The following CSMD1 variants were observed in gnomAD, a reference collection of about 807,000 sequenced individuals.
CSMD1 encodes CUB and Sushi multiple domains 1.
CSMD1 carries 213 observed loss-of-function variants against 417.5 expected under a neutral mutation model. That is an observed-to-expected ratio of 0.51 (90% CI 0.46 to 0.57). The LOEUF (loss-of-function observed/expected upper bound fraction) is 0.57. CSMD1 is among the 20% of genes least tolerant of loss of function. CSMD1 has a pLI of 0.00. For missense variants in CSMD1, 6,923 were observed against 4,529.7 expected (o/e 1.53, Z -15.17); for synonymous variants, 2,862 against 1,736.8 (o/e 1.65, Z -16.11).
At chr8:3,650,760 A>T (rs2117379752) in intron 7 of CSMD1, among the ~76,000 whole-genome samples, 2 of 152,296 alleles carry the variant, frequency 1.3e-5, no homozygotes, top group African/African-American at 4.8e-5. Flanking sequence ...CTAATGCAAA[A>T]ATGTGATTTT....
intron 21 of CSMD1, among the ~76,000 whole-genome samples, chr8:3,358,185 C>A (rs752896635): frequency 6.6e-6 from 1 of 152,174 alleles, no homozygotes; most frequent in Admixed American, 6.5e-5. Context: ...GCCTCCAGTT[C>A]GTTAACTGGT....
chr8:4,059,610 T>C (rs1168356245), intron 3 of CSMD1, among the ~76,000 whole-genome samples: 2 of 151,788 alleles, frequency 1.3e-5, no homozygotes, highest in Non-Finnish European at 2.9e-5. Flanking sequence ...ATAAAGGGGA[T>C]ATCACCACCG....
Position 4,025,140 on chromosome 8 carries a change from A to G in CSMD1, c.610+6765T>C, listed in dbSNP as rs1796995695. Among the ~76,000 whole-genome samples, 5 of 152,212 alleles carry G rather than the reference A, an allele frequency of 3.3e-5. No individual in the cohort carries two copies. In the South Asian group the frequency reaches 8.3e-4, roughly 25 times the overall value. On this transcript the variant is annotated intron_variant, in intron 4 of 69. Coordinates refer to ENST00000635120, the MANE Select transcript of CSMD1 (RefSeq NM_033225.6). ...GGGCTGCAAGAGATGTTGAGACTGT[A>G]ATTTTCCATGGATGTGAGCTCCTGT...
intron 1 of CSMD1, among the ~76,000 whole-genome samples, chr8:4,961,300 C>G (rs1397233558): frequency 1.3e-5 from 2 of 152,040 alleles, no homozygotes; most frequent in Non-Finnish European, 2.9e-5. Flanking sequence ...TGGATCCATC[C>G]CATTATTCCA....
At chr8:3,770,575 T>A (rs1023509828) in intron 5 of CSMD1, among the ~76,000 whole-genome samples, 1 of 151,948 alleles carries the variant, frequency 6.6e-6, no homozygotes, top group East Asian at 1.9e-4. Flanking sequence ...ATAGGAACAT[T>A]AAGAGGCCTG....
chr8:4,166,542 G>T (rs1247723614), intron 3 of CSMD1, among the ~76,000 whole-genome samples: 1 of 152,160 alleles, frequency 6.6e-6, no homozygotes. Flanking sequence ...ATTTATAAGT[G>T]GGAGCTAAGC....
At chr8:4,426,653 A>G (rs964680409) in intron 2 of CSMD1, among the ~76,000 whole-genome samples, 8 of 146,850 alleles carry the variant, frequency 5.4e-5, no homozygotes, top group African/African-American at 2.0e-4. Flanking sequence ...TGTTATTCAT[A>G]TTTTATAGTA....
At position 4,381,455 on chromosome 8, in the gene CSMD1, G is replaced by C. The variant is rs142388925; in HGVS notation, c.415+38498C>G. Among the ~76,000 whole-genome samples the C allele has an allele frequency of 3.6e-3, 547 of 152,278 alleles. 4 individuals carry two copies. The highest frequency in any genetic ancestry group is 0.029 in the South Asian group (139 of 4,826). ...TGAAAAGGGGGTGGGGGCTGGTGCC[G>C]ACGTGTGCTAAAGATCATTGTCTTC... On this transcript the variant is annotated intron_variant, in intron 3 of 69. Coordinates refer to ENST00000635120, the MANE Select transcript of CSMD1 (RefSeq NM_033225.6).
intron 1 of CSMD1, among the ~76,000 whole-genome samples, chr8:4,814,240 G>C (rs1258505005): frequency 6.6e-6 from 1 of 152,110 alleles, no homozygotes; most frequent in East Asian, 1.9e-4. Flanking sequence ...GCGCATGTGC[G>C]CGTGTGTGTA....
At chr8:4,067,768 T>A (rs904738198) in intron 3 of CSMD1, among the ~76,000 whole-genome samples, 2 of 152,114 alleles carry the variant, frequency 1.3e-5, no homozygotes, top group Admixed American at 1.3e-4. Context: ...TGTATGAACG[T>A]TTTCCTGTAA....
intron 3 of CSMD1, among the ~76,000 whole-genome samples, chr8:4,185,584 C>G (rs760687153): frequency 6.6e-6 from 1 of 152,124 alleles, no homozygotes; most frequent in Non-Finnish European, 1.5e-5. Flanking sequence ...AGTATCCTAC[C>G]TATCTAGTAA....
At chr8:3,410,172 A>T (rs890277059) in intron 12 of CSMD1, among the ~76,000 whole-genome samples, 1 of 152,256 alleles carries the variant, frequency 6.6e-6, no homozygotes, top group African/African-American at 2.4e-5. Flanking sequence ...ATATGCGTCC[A>T]AATACACCAA....
intron 3 of CSMD1, among the ~76,000 whole-genome samples, chr8:4,206,567 T>C (rs1799994195): frequency 6.6e-6 from 1 of 152,212 alleles, no homozygotes; most frequent in African/African-American, 2.4e-5. Flanking sequence ...TGCCACATTT[T>C]CTTAATCCAG....
At chr8:3,942,452 G>C (rs776070258) in intron 5 of CSMD1, among the ~76,000 whole-genome samples, 13 of 151,980 alleles carry the variant, frequency 8.6e-5, no homozygotes, top group Non-Finnish European at 1.3e-4. Context: ...CACCACACCT[G>C]GCCCATTTGA....
chr8:4,415,076 C>G (rs984400942), intron 3 of CSMD1, among the ~76,000 whole-genome samples: 44 of 152,050 alleles, frequency 2.9e-4, no homozygotes, highest in African/African-American at 1.0e-3. Context: ...GCTTTTTTTG[C>G]AAAGGATCTC....
intron 5 of CSMD1, among the ~76,000 whole-genome samples, chr8:3,856,351 C>T (rs1196966315): frequency 6.6e-6 from 1 of 152,168 alleles, no homozygotes; most frequent in African/African-American, 2.4e-5. Flanking sequence ...GCTTCCTGTA[C>T]AGCCCGCAGA....
At chr8:3,517,736 G>A (rs976629084) in intron 10 of CSMD1, among the ~76,000 whole-genome samples, 1 of 152,164 alleles carries the variant, frequency 6.6e-6, no homozygotes, top group African/African-American at 2.4e-5. Flanking sequence ...TCATAGGGCT[G>A]AGAGATTAAT....
intron 1 of CSMD1, among the ~76,000 whole-genome samples, chr8:4,690,988 AAGTGCTGG>A: frequency 6.6e-6 from 1 of 152,144 alleles, no homozygotes; most frequent in Non-Finnish European, 1.5e-5. Flanking sequence ...TGGCCTCCCA[AAGTGCTGG>A]GATTACAGGC....
At chr8:4,806,735 G>A (rs557136306) in intron 1 of CSMD1, among the ~76,000 whole-genome samples, 2 of 152,270 alleles carry the variant, frequency 1.3e-5, no homozygotes, top group Non-Finnish European at 2.9e-5. Flanking sequence ...TTCATTGAAC[G>A]ATGAACTTCA....
Sources: allele counts gnomAD v4.1 joint callset (sites outside exome capture counted in the v4.1 genomes callset), GRCh38; gene constraint gnomAD v4.1.1; transcripts MANE v1.5; gene names NCBI Gene and HGNC (gene_info 2026-07-23, HGNC 2026-07-21).